The following SATL1 variants were observed in gnomAD, a reference collection of about 807,000 sequenced individuals.
SATL1 encodes the protein spermidine/spermine N(1)-acetyltransferase-like protein 1.
In SATL1, 47 loss-of-function variants were observed where a neutral mutation model predicts 51.8. That is an observed-to-expected ratio of 0.91 (90% CI 0.72 to 1.16). SATL1 has a LOEUF of 1.16. Among genes scored for constraint, SATL1 ranks in the 50% most tolerant of loss-of-function variants. SATL1 has a pLI of 0.00. For synonymous variants in SATL1, 176 were observed against 182.4 expected, an observed-to-expected ratio of 0.97 and a Z score of 0.28; for missense variants, 520 against 526.4, an observed-to-expected ratio of 0.99 and a Z score of 0.12.
chrX:85,120,796 T>C (rs1300655303), intron 2 of SATL1, among the ~76,000 whole-genome samples: 1 of 110,927 alleles, frequency 9.0e-6, no homozygotes, highest in Admixed American at 9.6e-5. Flanking sequence ...ATATTTAGAG[T>C]TGTCTGTCAT....
intron 2 of SATL1, among the ~76,000 whole-genome samples, chrX:85,151,951 C>A (rs781765992): frequency 4.5e-4 from 50 of 110,045 alleles, no homozygotes; most frequent in South Asian, 7.8e-4. Context: ...GCAACAAAAG[C>A]CAAAATTGAC....
At chrX:85,206,439 G>T (rs1927793269) in intron 2 of SATL1, among the ~76,000 whole-genome samples, 1 of 111,348 alleles carries the variant, frequency 9.0e-6, no homozygotes, top group African/African-American at 3.3e-5. Flanking sequence ...AGAGAAAGAA[G>T]AAAGTATTTC....
intron 2 of SATL1, among the ~76,000 whole-genome samples, chrX:85,130,765 C>G (rs751181741): frequency 9.8e-5 from 11 of 111,771 alleles, no homozygotes; most frequent in Admixed American, 7.6e-4. Flanking sequence ...ATCTTTCCTG[C>G]CTTCTCTTGT....
intron 2 of SATL1, among the ~76,000 whole-genome samples, chrX:85,180,495 G>A (rs984402305): frequency 3.6e-5 from 4 of 111,644 alleles, no homozygotes; most frequent in Admixed American, 1.9e-4. Context: ...ACAATGGTAT[G>A]TGTGTATCTA....
At chrX:85,235,230 C>T (rs1018166351) in intron 1 of SATL1, among the ~76,000 whole-genome samples, 2 of 110,762 alleles carry the variant, frequency 1.8e-5, no homozygotes, top group African/African-American at 6.5e-5. Flanking sequence ...ATTATTATTG[C>T]TAAGAGAGAG....
chrX:85,101,962 A>G (rs942311698), intron 4 of SATL1, among the ~76,000 whole-genome samples: 2 of 110,438 alleles, frequency 1.8e-5, no homozygotes, highest in African/African-American at 6.6e-5. Context: ...AGGTACCTAG[A>G]ATAGACAAAT....
chrX:85,110,044 C>T lies in SATL1; in HGVS notation c.-312-764G>A, dbSNP rs375811029. ...TAGTAATTATAATAGCTACAGCCAA[C>T]ATTTACTGAGTTCCTTTATGGCCTA... On this transcript the variant is annotated intron_variant, in intron 2 of 7. Transcript: ENST00000644105. 1.3e-4 allele frequency among the ~76,000 whole-genome samples: 15 copies of T among 111,910 alleles called. No homozygotes were observed. The East Asian group carries it at 2.2e-3, about 17-fold the overall frequency.
At chrX:85,174,577 C>T (rs756464009) in intron 2 of SATL1, among the ~76,000 whole-genome samples, 18 of 110,946 alleles carry the variant, frequency 1.6e-4, no homozygotes, top group Admixed American at 2.9e-4. Flanking sequence ...CCCACCTCAG[C>T]CTCCCAAAGT....
chrX:85,137,048 A>G (rs1925975989), intron 2 of SATL1, among the ~76,000 whole-genome samples: 1 of 111,851 alleles, frequency 8.9e-6, no homozygotes, highest in Admixed American at 9.5e-5. Flanking sequence ...AAAGAGGGGA[A>G]TAATCGATGG....
chrX:85,181,206 C>CAT (rs1407800532), intron 2 of SATL1, among the ~76,000 whole-genome samples: 2,203 of 94,702 alleles, frequency 0.023, 65 homozygotes, highest in African/African-American at 0.079. Context: ...TATATATACA[C>CAT]ATATATATAT....
intron 7 of SATL1, chrX:85,092,884 C>G (rs1924570622): frequency 6.2e-6 from 2 of 322,369 alleles, no homozygotes; most frequent in Non-Finnish European, 1.1e-5. Context: ...AATATTCATA[C>G]TGTGAGCCTG....
intron 2 of SATL1, among the ~76,000 whole-genome samples, chrX:85,191,872 A>C (rs781386709): frequency 9.0e-6 from 1 of 111,567 alleles, no homozygotes; most frequent in Non-Finnish European, 1.9e-5. Flanking sequence ...GCACAGTTCA[A>C]ACCTGCATTG....
At chrX:85,151,449 C>A (rs141176407) in intron 2 of SATL1, among the ~76,000 whole-genome samples, 5,482 of 110,917 alleles carry the variant, frequency 0.049, 371 homozygotes, top group African/African-American at 0.17. Flanking sequence ...CTTTCTTCAC[C>A]GAATTCAAAA....
At chrX:85,146,538 A>G (rs1397248541) in intron 2 of SATL1, among the ~76,000 whole-genome samples, 1 of 112,187 alleles carries the variant, frequency 8.9e-6, no homozygotes, top group African/African-American at 3.2e-5. Flanking sequence ...AGGAAAAATC[A>G]TAGTGCATAT....
intron 2 of SATL1, among the ~76,000 whole-genome samples, chrX:85,216,334 T>C (rs1318291868): frequency 9.0e-6 from 1 of 110,746 alleles, no homozygotes; most frequent in Non-Finnish European, 1.9e-5. Context: ...AGGGGTCAGT[T>C]ATCCAAACTA....
chrX:85,118,253 A>G (rs893487850), intron 2 of SATL1: 3 of 108,527 alleles, frequency 2.8e-5, no homozygotes, highest in Non-Finnish European at 5.7e-5. Context: ...TAAGATGTCA[A>G]TATTCAGTTT....
At chrX:85,146,995 C>T (rs1038268272) in intron 2 of SATL1, among the ~76,000 whole-genome samples, 48 of 112,424 alleles carry the variant, frequency 4.3e-4, no homozygotes, top group Non-Finnish European at 7.5e-4. Context: ...GCGCACCGTG[C>T]GAGAGCCAAA....
At chrX:85,137,215 G>A (rs1395522486) in intron 2 of SATL1, among the ~76,000 whole-genome samples, 1 of 111,183 alleles carries the variant, frequency 9.0e-6, no homozygotes, top group Non-Finnish European at 1.9e-5. Context: ...GGGGCTGAAT[G>A]GTAAGGACCA....
rs755922818 is a variant in SATL1 at position 85,108,257 on chromosome X, T to C, written c.712A>G (p.Lys238Glu). The change falls in exon 3 of 8, where the codon AAG (lysine) becomes GAG (glutamate). Residue 238 changes from lysine (K) to glutamate (E), a missense_variant. Physicochemically the swap from Lys to Glu is moderately conservative, Grantham distance 56. Around this residue, in one of 3 missense-constraint regions of SATL1, gnomAD observed 488 missense variants for 474.3 expected, o/e 1.03. Transcript: ENST00000644105. The stretch of plus-strand genomic sequence containing the variant: ...GGTTGGCTCATGTCTGTTTGGTTCT[T>C]ACATGATTGGCTAGTGTCTGGTTGC... ...IRQPDTSQSCKNQTDMSQPDA... is the reference protein window; with the variant it reads ...IRQPDTSQSCENQTDMSQPDA... 8.3e-7 allele frequency: 1 copy of C among 1,211,627 alleles called. No homozygotes were observed.
Sources: gnomAD v4.1 joint callset for allele counts (sites outside exome capture counted in the v4.1 genomes callset) on GRCh38, gnomAD v4.1.1 for gene constraint, gnomAD v4.1.1 regional missense constraint, MANE v1.5 for transcripts, NCBI Gene and HGNC (gene_info 2026-07-23, HGNC 2026-07-21) for gene names.